Variants in RAB5A observed in about 807,000 individuals in gnomAD.
RAB5A encodes ras-related protein Rab-5A.
Under a neutral mutation model 25.7 loss-of-function variants are expected in RAB5A, and 8 were observed. That is an observed-to-expected ratio of 0.31 (90% CI 0.18 to 0.56). The LOEUF is 0.56. Ranked by LOEUF, RAB5A falls within the 20% of genes least tolerant of loss-of-function variation. The pLI is 0.91. For missense variants in RAB5A, 192 were observed against 259.7 expected (o/e 0.74, Z 1.79); for synonymous variants, 98 against 89.8 (o/e 1.09, Z -0.52).
intron 1 of RAB5A, among the ~76,000 whole-genome samples, chr3:19,949,854 G>A (rs1696397179): frequency 6.6e-6 from 1 of 152,018 alleles, no homozygotes; most frequent in African/African-American, 2.4e-5. Flanking sequence ...GGATCATCCT[G>A]GGCAACATAG....
intron 5 of RAB5A, chr3:19,978,763 T>C (rs564099626): frequency 6.2e-6 from 1 of 160,058 alleles, no homozygotes; most frequent in African/African-American, 2.4e-5. Flanking sequence ...TATTAGATTA[T>C]ACTTTTTAAA....
chr3:19,948,164 C>T (rs1349893986), intron 1 of RAB5A, among the ~76,000 whole-genome samples: 1 of 152,164 alleles, frequency 6.6e-6, no homozygotes, highest in Non-Finnish European at 1.5e-5. Context: ...TGGGTAGAGA[C>T]CATGGAACTT....
At chr3:19,972,746 G>A (rs62241298) in intron 2 of RAB5A, among the ~76,000 whole-genome samples, 23,205 of 152,094 alleles carry the variant, frequency 0.15, 1,991 homozygotes, top group Non-Finnish European at 0.2. Context: ...TTGGTAATGG[G>A]CATTTGTTTG....
intron 2 of RAB5A, among the ~76,000 whole-genome samples, chr3:19,962,876 T>C (rs1420909393): frequency 3.9e-5 from 6 of 152,104 alleles, no homozygotes; most frequent in Non-Finnish European, 7.4e-5. Flanking sequence ...GCAGTGACGC[T>C]GTCATAGCTC....
At chr3:19,963,376 C>CCAG (rs1553638835) in intron 2 of RAB5A, among the ~76,000 whole-genome samples, 1 of 86,796 alleles carries the variant, frequency 1.2e-5, no homozygotes, top group South Asian at 5.3e-4. Flanking sequence ...CCCCCCCCCC[C>CCAG]CCGACTTATT....
chr3:19,978,983 C>CTTTTTTTTTTT (rs34631666), intron 5 of RAB5A: 1 of 146,310 alleles, frequency 6.8e-6, no homozygotes, highest in Non-Finnish European at 1.5e-5. Context: ...CTTTAAGGTA[C>CTTTTTTTTTTT]TTTTTTTTTT....
chr3:19,969,823 T>G (rs2125188499), intron 2 of RAB5A, among the ~76,000 whole-genome samples: 1 of 152,342 alleles, frequency 6.6e-6, no homozygotes, highest in East Asian at 1.9e-4. Flanking sequence ...TTTTTTTTCT[T>G]GAGACGGAGT....
At chr3:19,983,345 C>CAAAAAAAA in intron 5 of RAB5A, among the ~76,000 whole-genome samples, 1 of 92,120 alleles carries the variant, frequency 1.1e-5, no homozygotes. Flanking sequence ...GACTACATCT[C>CAAAAAAAA]AAAAAAAAAA....
intron 1 of RAB5A, 67 bp downstream of exon 1, chr3:19,947,588 C>G (rs900317349): frequency 6.6e-6 from 1 of 152,534 alleles, no homozygotes; most frequent in Non-Finnish European, 1.5e-5. Flanking sequence ...GGTCCCCAGC[C>G]TGTCCGCGGC....
intron 3 of RAB5A, 118 bp downstream of exon 3, chr3:19,975,870 C>T: frequency 3.0e-6 from 4 of 1,329,130 alleles, no homozygotes; most frequent in Non-Finnish European, 4.1e-6. Context: ...TCTGCTGAAG[C>T]TTTTGTGAAT....
rs1026494099 is a variant in RAB5A, at chr3:19,951,694, C to T, written c.163+633C>T. On this transcript the variant is annotated intron_variant, in intron 2 of 5. Transcript: ENST00000273047. ...GACCTAAGGGTGCATGCCACCATGC[C>T]AGGCAAGTTTTTTTTTTTTTTTTTT... is the stretch of plus-strand genomic sequence containing the variant. Among the ~76,000 whole-genome samples, 7 of 43,018 alleles carry T rather than the reference C, an allele frequency of 1.6e-4. 1 individual carries two copies. The East Asian group carries it at 1.8e-3, about 11-fold the overall frequency. The allele number at this position is 43,018 out of a possible 152,430, so 28.2% of individuals were successfully genotyped here. A position where few individuals can be genotyped will look rare whatever the true frequency, so the allele number is the denominator to read the frequency against.
At chr3:19,983,072 C>T (rs1696962162) in intron 5 of RAB5A, among the ~76,000 whole-genome samples, 1 of 152,102 alleles carries the variant, frequency 6.6e-6, no homozygotes, top group South Asian at 2.1e-4. Flanking sequence ...TGCCATGGCT[C>T]ACGCCTATAA....
At chr3:19,966,180 C>T (rs1227413461) in intron 2 of RAB5A, among the ~76,000 whole-genome samples, 18 of 152,166 alleles carry the variant, frequency 1.2e-4, no homozygotes, top group Admixed American at 1.2e-3. Flanking sequence ...ACTCTGCACC[C>T]ACTAAACAAT....
chr3:19,955,829 G>A (rs1304940321), intron 2 of RAB5A, among the ~76,000 whole-genome samples: 2 of 151,924 alleles, frequency 1.3e-5, no homozygotes, highest in East Asian at 3.9e-4. Flanking sequence ...AGGCGGAGGA[G>A]GTTGTTGCAA....
intron 2 of RAB5A, among the ~76,000 whole-genome samples, chr3:19,953,725 T>G (rs1696458640): frequency 6.6e-6 from 1 of 152,128 alleles, no homozygotes; most frequent in South Asian, 2.1e-4. Context: ...CTGTTAATCT[T>G]TATTGGATAC....
intron 2 of RAB5A, among the ~76,000 whole-genome samples, chr3:19,954,051 G>A (rs980931516): frequency 1.3e-5 from 2 of 152,058 alleles, no homozygotes; most frequent in East Asian, 1.9e-4. Context: ...ATTTCACTAC[G>A]TGGCCCAGGT....
At chr3:19,980,186 G>A (rs977428592) in intron 5 of RAB5A, 1 of 152,162 alleles carries the variant, frequency 6.6e-6, no homozygotes, top group Non-Finnish European at 1.5e-5. Context: ...TGAAAAGTTA[G>A]AGGAAACAAT....
chr3:19,982,391 A>G (rs1341880168), intron 5 of RAB5A, among the ~76,000 whole-genome samples: 1 of 152,208 alleles, frequency 6.6e-6, no homozygotes, highest in Non-Finnish European at 1.5e-5. Context: ...TTCCTCCAGT[A>G]TGCTAAGTTT....
intron 1 of RAB5A, 106 bp from the exon 2 acceptor site, chr3:19,950,700 G>C (rs1338862309): frequency 4.0e-6 from 2 of 502,348 alleles, no homozygotes; most frequent in South Asian, 3.6e-5. Flanking sequence ...GGCATTGAAG[G>C]TCTAGTAGAG....
Sources: gnomAD v4.1 joint callset for allele counts (sites outside exome capture counted in the v4.1 genomes callset) on GRCh38, gnomAD v4.1.1 for gene constraint, MANE v1.5 for transcripts, NCBI Gene and HGNC (gene_info 2026-07-23, HGNC 2026-07-21) for gene names.